The following CYFIP2 variants were observed in gnomAD, a reference collection of about 807,000 sequenced individuals.
CYFIP2 encodes cytoplasmic FMR1 interacting protein 2, also known as cytoplasmic FMR1-interacting protein 2.
A neutral mutation model predicts 158.7 loss-of-function variants in CYFIP2; 29 were observed. The ratio of observed to expected loss-of-function variants is 0.18; its 90% CI spans 0.14 to 0.25. CYFIP2 has a LOEUF of 0.25. CYFIP2 is among the 10% of genes least tolerant of loss of function. The probability of loss-of-function intolerance (pLI) is 1.00; values close to 1 mark genes in which losing one functional copy is unlikely to be tolerated. For synonymous variants in CYFIP2, 585 were observed against 617.6 expected (o/e 0.95, Z 0.78); for missense variants, 852 against 1,639.5 (o/e 0.52, Z 8.29).
At position 157,326,639 on chromosome 5, in the gene CYFIP2, A is replaced by G. The variant is rs562003618; in HGVS notation, c.2079+372A>G. 2.6e-4 allele frequency among the ~76,000 whole-genome samples: 39 copies of G among 152,366 alleles called. No individual in the cohort carries two copies. In the Middle Eastern group the frequency reaches 0.02, roughly 80 times the overall value. Reference sequence around the variant, plus strand: ...GGAGTCCACCCTCAGAGGGGAAGCCAGGGAAGAGAGCACGTGGCCCTGGAA... The same window carrying G: ...GGAGTCCACCCTCAGAGGGGAAGCCGGGGAAGAGAGCACGTGGCCCTGGAA... On this transcript the variant is annotated intron_variant, in intron 18 of 30. Transcript: ENST00000620254.
intron 3 of CYFIP2, among the ~76,000 whole-genome samples, chr5:157,289,133 T>TCACA: frequency 6.6e-6 from 1 of 152,274 alleles, no homozygotes; most frequent in Middle Eastern, 3.4e-3. Context: ...AACCAGTAAA[T>TCACA]CACAGGACTG....
At chr5:157,342,818 G>A (rs1276239888) in intron 23 of CYFIP2, 3 of 1,549,802 alleles carry the variant, frequency 1.9e-6, no homozygotes, top group Non-Finnish European at 1.7e-6. Flanking sequence ...CCTACTGTGT[G>A]GAAAGCTTTA....
chr5:157,285,186 T>C (rs975571597), intron 1 of CYFIP2, among the ~76,000 whole-genome samples, 153 bp from the exon 2 acceptor site: 1 of 152,146 alleles, frequency 6.6e-6, no homozygotes, highest in African/African-American at 2.4e-5. Context: ...AAGATACACA[T>C]CGAGAGCACC....
At chr5:157,334,826 A>G (rs1161655732) in intron 21 of CYFIP2, among the ~76,000 whole-genome samples, 3 of 152,230 alleles carry the variant, frequency 2.0e-5, no homozygotes, top group Non-Finnish European at 4.4e-5. Context: ...TGAATCTTAG[A>G]ACAGAAAAAG....
chr5:157,367,104 G>C (rs1764447594), intron 26 of CYFIP2, among the ~76,000 whole-genome samples: 1 of 152,124 alleles, frequency 6.6e-6, no homozygotes, highest in African/African-American at 2.4e-5. Flanking sequence ...GAGCATTACT[G>C]CCCTCACCAG....
intron 1 of CYFIP2, among the ~76,000 whole-genome samples, chr5:157,269,884 G>A (rs919183519): frequency 3.9e-5 from 6 of 152,168 alleles, no homozygotes; most frequent in Non-Finnish European, 8.8e-5. Context: ...GATGCAAAGA[G>A]CTTAGATATT....
At chr5:157,267,548 A>G (rs763914803) in intron 1 of CYFIP2, among the ~76,000 whole-genome samples, 8 of 152,116 alleles carry the variant, frequency 5.3e-5, no homozygotes, top group East Asian at 1.9e-4. Flanking sequence ...TCCCACCTCC[A>G]CTTCCATACA....
intron 15 of CYFIP2, among the ~76,000 whole-genome samples, chr5:157,323,291 G>T (rs923270515): frequency 6.6e-6 from 1 of 152,208 alleles, no homozygotes; most frequent in Non-Finnish European, 1.5e-5. Flanking sequence ...GTGCAGTGCA[G>T]CTGATGCCAC....
chr5:157,285,090 C>T (rs939517665), intron 1 of CYFIP2, among the ~76,000 whole-genome samples: 19 of 152,312 alleles, frequency 1.2e-4, no homozygotes, highest in Admixed American at 1.0e-3. Context: ...GTACCACCTT[C>T]CATGTTGATC....
rs199599206 is a variant in CYFIP2, at chr5:157,327,389, AC to A, written c.2080-580del. On this transcript the variant is annotated intron_variant, in intron 18 of 30. Coordinates refer to ENST00000620254, the MANE Select transcript of CYFIP2 (RefSeq NM_001037333.3). ...AGACCAACCTGGCCAACATGGTGAA[AC>A]CCCGTCTCTACTAAAAATACAAAAA... Among the ~76,000 whole-genome samples, 1,468 of 152,118 alleles carry A rather than the reference AC, an allele frequency of 9.7e-3. 17 individuals are homozygous for A. Among genetic ancestry groups the A allele is most frequent in the African/African-American group, 0.033 (1,365 of 41,476 alleles).
At chr5:157,340,724 G>C (rs1762185624) in intron 22 of CYFIP2, among the ~76,000 whole-genome samples, 1 of 152,180 alleles carries the variant, frequency 6.6e-6, no homozygotes, top group South Asian at 2.1e-4. Context: ...TTTTGAGAAA[G>C]AGTTTGCTGA....
In CYFIP2 at chr5:157,346,241, G is replaced by A. The variant is rs193171146; in HGVS notation, c.2673+5084G>A. Among the ~76,000 whole-genome samples, 9 of 152,262 alleles carry A rather than the reference G, an allele frequency of 5.9e-5. No homozygotes were observed. In the East Asian group the frequency reaches 1.7e-3, roughly 29 times the overall value. ...AAGACCTGAGCCCTATCCCTGCACA[G>A]CCCTGAACCCCTGTCAAGCTTGCTA... On this transcript the variant is annotated intron_variant, in intron 23 of 30. Transcript: ENST00000620254.
chr5:157,316,211 G>A (rs1760132560), intron 13 of CYFIP2, among the ~76,000 whole-genome samples: 1 of 152,066 alleles, frequency 6.6e-6, no homozygotes, highest in African/African-American at 2.4e-5. Flanking sequence ...CATGCAGACA[G>A]GGAAGATGCA....
intron 1 of CYFIP2, among the ~76,000 whole-genome samples, chr5:157,269,190 A>G (rs1755871265): frequency 6.6e-6 from 1 of 151,850 alleles, no homozygotes; most frequent in South Asian, 2.1e-4. Flanking sequence ...GAAGGAAGGG[A>G]AAGTTAAGAG....
At chr5:157,320,020 A>G (rs559207076) in intron 14 of CYFIP2, 92 bp downstream of exon 14, 20 of 1,490,722 alleles carry the variant, frequency 1.3e-5, no homozygotes, top group Non-Finnish European at 1.7e-5. Context: ...CTGAACACAC[A>G]TGGGTCCTTC....
chr5:157,287,383 T>A (rs1345266040), intron 3 of CYFIP2, among the ~76,000 whole-genome samples: 1 of 152,246 alleles, frequency 6.6e-6, no homozygotes, highest in Non-Finnish European at 1.5e-5. Context: ...CTCCTATAGC[T>A]TTTTGGGTTA....
chr5:157,316,307 C>T (rs1199042674), intron 13 of CYFIP2, among the ~76,000 whole-genome samples: 3 of 151,824 alleles, frequency 2.0e-5, no homozygotes, highest in African/African-American at 7.3e-5. Context: ...TGTCTAAATA[C>T]GTATATCAAC....
In CYFIP2 at chr5:157,311,275, CTG is replaced by C. The variant is rs1215148846; in HGVS notation, c.993-386_993-385del. 1.1e-5 allele frequency: 4 copies of C among 370,812 alleles called. No individual in the cohort carries two copies. The highest frequency in any genetic ancestry group is 2.1e-5 in the Non-Finnish European group (4 of 189,778). The allele number at this position is 370,812 out of a possible 1,614,324, so 23.0% of individuals were successfully genotyped here. A position where few individuals can be genotyped will look rare whatever the true frequency, so the allele number is the denominator to read the frequency against. On this transcript the variant is annotated intron_variant, in intron 10 of 30. Coordinates refer to ENST00000620254, the MANE Select transcript of CYFIP2 (RefSeq NM_001037333.3). The surrounding 1 kb of genome is among the most constrained non-coding windows in gnomAD (Gnocchi z 4.7). ...AAAGCCAGCTTCAACCGCAGAGTGT[CTG>C]TGCTGTCAGAGTGGGTAGGCTGGTT...
chr5:157,377,025 G>A (rs1485461092), intron 26 of CYFIP2: 7 of 379,522 alleles, frequency 1.8e-5, no homozygotes, highest in Non-Finnish European at 2.7e-5. Flanking sequence ...TTTTACTCCC[G>A]CCCTCAGGTC....
Sources: allele counts gnomAD v4.1 joint callset (sites outside exome capture counted in the v4.1 genomes callset), GRCh38; gene constraint gnomAD v4.1.1; non-coding constraint Gnocchi (gnomAD v3.1); transcripts MANE v1.5; gene names NCBI Gene and HGNC (gene_info 2026-07-23, HGNC 2026-07-21).